The following CDC14A variants were observed in gnomAD, a reference collection of about 807,000 sequenced individuals.
CDC14A encodes dual specificity protein phosphatase CDC14A.
CDC14A carries 53 observed loss-of-function variants against 74.4 expected under a neutral mutation model. That is an observed-to-expected ratio of 0.71 (90% CI 0.57 to 0.89). The LOEUF is 0.89. Among genes scored for constraint, CDC14A ranks in the 40% least tolerant of loss-of-function variants. CDC14A has a pLI of 0.00. For missense variants in CDC14A, 646 were observed against 713.7 expected (o/e 0.91, Z 1.08); for synonymous variants, 247 against 258.4 (o/e 0.96, Z 0.43).
At chr1:100,516,169 A>G (rs1650206976) in intron 15 of CDC14A, among the ~76,000 whole-genome samples, 1 of 152,224 alleles carries the variant, frequency 6.6e-6, no homozygotes, top group Non-Finnish European at 1.5e-5. Context: ...AATAATAGAA[A>G]TCTTTAAAAT....
At chr1:100,478,540 C>T (rs1571298695) in intron 10 of CDC14A, among the ~76,000 whole-genome samples, 1 of 152,168 alleles carries the variant, frequency 6.6e-6, no homozygotes, top group Admixed American at 6.5e-5. Context: ...ATTTTCAGCT[C>T]ACGGAGATCC....
At position 100,352,917 on chromosome 1, in the gene CDC14A, C is replaced by T. The variant is rs761478098; in HGVS notation, c.-38C>T. The T allele has an allele frequency of 6.2e-7, 1 of 1,613,112 alleles. No individual in the cohort carries two copies. Among genetic ancestry groups the T allele is most frequent in the Non-Finnish European group, 8.5e-7 (1 of 1,179,830 alleles). On this transcript the variant is annotated 5_prime_UTR_variant, in exon 1 of 16. Coordinates refer to ENST00000336454, the MANE Select transcript of CDC14A (RefSeq NM_003672.4). The stretch of plus-strand genomic sequence containing the variant: ...CCCGGGGGCGAGTGACTTCAGCTGG[C>T]CACGACCCAGCCCTCCCCCGTGCGT...
At chr1:100,450,627 C>A (rs2163667) in intron 7 of CDC14A, among the ~76,000 whole-genome samples, 21,735 of 152,156 alleles carry the variant, frequency 0.14, 1,770 homozygotes, top group Non-Finnish European at 0.17. Context: ...AGCAAAATTA[C>A]TTCCTGGCCA....
intron 15 of CDC14A, among the ~76,000 whole-genome samples, chr1:100,500,125 G>A (rs910960928): frequency 3.3e-5 from 5 of 152,120 alleles, no homozygotes; most frequent in Non-Finnish European, 7.4e-5. Flanking sequence ...TGTGAGTTTC[G>A]ATTTGAGAGG....
intron 11 of CDC14A, chr1:100,485,099 T>C: frequency 1.0e-6 from 1 of 985,356 alleles, no homozygotes; most frequent in Non-Finnish European, 1.2e-6. Context: ...CTGTTACCTC[T>C]GAATAAAAAT....
intron 3 of CDC14A, among the ~76,000 whole-genome samples, chr1:100,378,877 A>G (rs894238415): frequency 6.6e-6 from 1 of 152,216 alleles, no homozygotes; most frequent in Non-Finnish European, 1.5e-5. Context: ...AAAAGAAGCC[A>G]GTATTTTAGA....
In CDC14A at chr1:100,520,250, A is replaced by G. The variant is rs1306502699; in HGVS notation, c.*1970A>G. On this transcript the variant is annotated 3_prime_UTR_variant, in exon 16 of 16. Transcript: ENST00000336454. ...TAAAGTGTAGAAGAATACACTGCTAATAAATAATAAAAGTTTTATTCAATT... is the reference window on the plus strand; with the variant it reads ...TAAAGTGTAGAAGAATACACTGCTAGTAAATAATAAAAGTTTTATTCAATT... 1 of 152,598 alleles carries G rather than the reference A, an allele frequency of 6.6e-6. No homozygotes were observed. Among genetic ancestry groups the G allele is most frequent in the African/African-American group, 2.4e-5 (1 of 41,470 alleles). 9.5% of individuals were successfully genotyped at this position (152,598 alleles called of 1,614,324 possible).
At chr1:100,485,334 C>A in intron 11 of CDC14A, 2 of 980,500 alleles carry the variant, frequency 2.0e-6, no homozygotes, top group East Asian at 2.3e-4. Flanking sequence ...TGAGGTGAAG[C>A]TAAGTATCTG....
intron 2 of CDC14A, among the ~76,000 whole-genome samples, chr1:100,369,876 T>C (rs1570975994): frequency 6.6e-6 from 1 of 151,996 alleles, no homozygotes; most frequent in East Asian, 1.9e-4. Flanking sequence ...TGTGGCATAA[T>C]CATGGCTAAC....
intron 2 of CDC14A, among the ~76,000 whole-genome samples, chr1:100,369,145 C>T (rs1004321851): frequency 1.0e-4 from 15 of 150,438 alleles, no homozygotes; most frequent in Middle Eastern, 3.4e-3. Flanking sequence ...GGCGCAATCT[C>T]GGCTCACTGC....
chr1:100,369,108 C>T (rs1654060710), intron 2 of CDC14A, among the ~76,000 whole-genome samples: 1 of 146,424 alleles, frequency 6.8e-6, no homozygotes, highest in South Asian at 2.1e-4. Context: ...GATGGAGTCT[C>T]GCTCTGTCGC....
chr1:100,371,168 T>C lies in CDC14A; in HGVS notation c.141-6378T>C, dbSNP rs181355007. ...ATGAATTTTGTATCCTGAAACCTTATTGAAGTTGTTTATCAGTTCCAGGAG... is the reference window on the plus strand; with the variant it reads ...ATGAATTTTGTATCCTGAAACCTTACTGAAGTTGTTTATCAGTTCCAGGAG... On this transcript the variant is annotated intron_variant, in intron 2 of 15. Transcript: ENST00000336454. Among the ~76,000 whole-genome samples, 8 of 152,332 alleles carry C rather than the reference T, an allele frequency of 5.3e-5. No homozygotes were observed. In the South Asian group the frequency reaches 1.5e-3, roughly 28 times the overall value.
intron 4 of CDC14A, among the ~76,000 whole-genome samples, chr1:100,416,764 C>T (rs1416198267): frequency 6.6e-6 from 1 of 152,116 alleles, no homozygotes; most frequent in Non-Finnish European, 1.5e-5. Flanking sequence ...TAATTTTGAG[C>T]ACTTTACATA....
intron 2 of CDC14A, among the ~76,000 whole-genome samples, chr1:100,363,601 A>G (rs60851013): frequency 1.7e-3 from 247 of 149,694 alleles, no homozygotes; most frequent in African/African-American, 6.0e-3. Flanking sequence ...AGAATTTGCC[A>G]GTTTAGACTT....
intron 10 of CDC14A, among the ~76,000 whole-genome samples, chr1:100,469,841 T>C (rs1203837117): frequency 6.6e-6 from 1 of 152,160 alleles, no homozygotes; most frequent in African/African-American, 2.4e-5. Context: ...CCAACCTCCC[T>C]ATTATACTCT....
At chr1:100,486,612 G>A (rs190559693) in intron 11 of CDC14A, among the ~76,000 whole-genome samples, 11 of 152,282 alleles carry the variant, frequency 7.2e-5, no homozygotes, top group Non-Finnish European at 1.6e-4. Context: ...GGCAAAAAGG[G>A]CAAACAAACT....
chr1:100,502,395 C>A (rs1340658744), intron 15 of CDC14A, among the ~76,000 whole-genome samples: 1 of 152,138 alleles, frequency 6.6e-6, no homozygotes, highest in Admixed American at 6.5e-5. Context: ...GTTATAGTTG[C>A]CTGCAATATT....
chr1:100,437,922 G>T (rs779634333), intron 5 of CDC14A, among the ~76,000 whole-genome samples: 1 of 150,988 alleles, frequency 6.6e-6, no homozygotes, highest in Non-Finnish European at 1.5e-5. Context: ...TTTAAAAAAC[G>T]TAAAGCAGTA....
chr1:100,380,371 A>T (rs1655932621), intron 3 of CDC14A, among the ~76,000 whole-genome samples: 1 of 152,126 alleles, frequency 6.6e-6, no homozygotes, highest in South Asian at 2.1e-4. Flanking sequence ...TAGGAACCAT[A>T]GCCTCTGGTT....
Sources: gnomAD v4.1 joint callset for allele counts (sites outside exome capture counted in the v4.1 genomes callset) on GRCh38, gnomAD v4.1.1 for gene constraint, MANE v1.5 for transcripts, NCBI Gene and HGNC (gene_info 2026-07-23, HGNC 2026-07-21) for gene names.